Variants in CDC42 observed in about 807,000 individuals in gnomAD.
The protein encoded by CDC42 is cell division control protein 42 homolog.
In CDC42, 1 loss-of-function variant was observed where a neutral mutation model predicts 20.8. The ratio of observed to expected loss-of-function variants is 0.05; its 90% CI spans 0.02 to 0.23. The LOEUF (loss-of-function observed/expected upper bound fraction) is 0.23, where lower values mean the gene tolerates loss of function less well. CDC42 is among the 10% of genes least tolerant of loss of function. CDC42 has a pLI of 1.00. For missense variants in CDC42, 49 were observed against 227.9 expected (o/e 0.21, Z 5.05); for synonymous variants, 72 against 84.8 (o/e 0.85, Z 0.83).
At chr1:22,053,237 G>T (rs1296636588) in intron 1 of CDC42, 3 of 143,582 alleles carry the variant, frequency 2.1e-5, no homozygotes, top group Non-Finnish European at 4.6e-5. Flanking sequence ...TTCGCCGGGC[G>T]CCGCCGCGGA....
rs1393299011 is a variant in CDC42 at position 22,101,273 on chromosome 1, C to T, written c.*9756C>T. 6.6e-6 allele frequency: 1 copy of T among 152,222 alleles called. No homozygotes were observed. Among genetic ancestry groups the T allele is most frequent in the Admixed American group, 6.5e-5 (1 of 15,284 alleles). The allele number at this position is 152,222 out of a possible 1,614,324, so 9.4% of individuals were successfully genotyped here. ...CAGTTGGAAGTTGAAGATCCAGGTTCTAGTTGAGGCACCAGAGTTTCCTTG... is the reference window on the plus strand; with the variant it reads ...CAGTTGGAAGTTGAAGATCCAGGTTTTAGTTGAGGCACCAGAGTTTCCTTG... On this transcript the variant is annotated 3_prime_UTR_variant, in exon 6 of 6. Transcript: ENST00000656825.
At chr1:22,090,964 C>T (rs1645709901) in intron 5 of CDC42, among the ~76,000 whole-genome samples, 1 of 151,902 alleles carries the variant, frequency 6.6e-6, no homozygotes, top group African/African-American at 2.4e-5. Context: ...CCATAATCAC[C>T]CTCTCTCTCT....
At chr1:22,057,786 T>G (rs2501270) in intron 1 of CDC42, among the ~76,000 whole-genome samples, 1 of 151,414 alleles carries the variant, frequency 6.6e-6, no homozygotes, top group Non-Finnish European at 1.5e-5. Context: ...TGCAGTGGCA[T>G]GATCTTGGCT....
chr1:22,073,874 C>G (rs1192362425), intron 1 of CDC42, among the ~76,000 whole-genome samples: 3 of 151,540 alleles, frequency 2.0e-5, no homozygotes, highest in Non-Finnish European at 4.4e-5. Context: ...TGGTCCCAAA[C>G]TCCTGGGTTC....
chr1:22,079,880 T>A (rs1003691200), intron 2 of CDC42, among the ~76,000 whole-genome samples: 4 of 152,174 alleles, frequency 2.6e-5, no homozygotes, highest in African/African-American at 9.7e-5. Context: ...ATATGTATGT[T>A]TGTGTTGTAC....
At chr1:22,073,862 G>A (rs1199226990) in intron 1 of CDC42, among the ~76,000 whole-genome samples, 1 of 151,314 alleles carries the variant, frequency 6.6e-6, no homozygotes, top group Non-Finnish European at 1.5e-5. Flanking sequence ...TGTTTCCCAG[G>A]CTGGTCCCAA....
Position 22,093,561 on chromosome 1 carries a change from G to A in CDC42, c.*2044G>A, listed in dbSNP as rs1645735865. On this transcript the variant is annotated 3_prime_UTR_variant, in exon 6 of 6. Transcript: ENST00000656825. ...CTAAGAACCCTTAAAATCAGTTAAG[G>A]TTGGTACACTGTGGCCTCATTTTGA... Among the ~76,000 whole-genome samples, 1 of 152,164 alleles carries A rather than the reference G, an allele frequency of 6.6e-6. No individual in the cohort carries two copies. Among genetic ancestry groups the A allele is most frequent in the African/African-American group, 2.4e-5 (1 of 41,430 alleles).
intron 1 of CDC42, chr1:22,063,956 A>G (rs1379872803): frequency 6.6e-6 from 1 of 152,010 alleles, no homozygotes; most frequent in Non-Finnish European, 1.5e-5. Context: ...CTGACCTCTT[A>G]TGATCTTCCT....
intron 1 of CDC42, among the ~76,000 whole-genome samples, chr1:22,076,263 C>G (rs1246825436): frequency 6.6e-6 from 1 of 152,062 alleles, no homozygotes; most frequent in African/African-American, 2.4e-5. Flanking sequence ...AGTTCAAGAC[C>G]AGCCTGGCCA....
At chr1:22,089,187 A>G (rs10917148) in intron 5 of CDC42, among the ~76,000 whole-genome samples, 142,391 of 152,300 alleles carry the variant, frequency 0.93, 66,612 homozygotes, top group East Asian at 1. Flanking sequence ...GGTCCTAAGT[A>G]CCACCAATGC....
intron 2 of CDC42, among the ~76,000 whole-genome samples, chr1:22,079,982 A>AC (rs1296909192): frequency 6.6e-6 from 1 of 152,224 alleles, no homozygotes; most frequent in Non-Finnish European, 1.5e-5. Flanking sequence ...ACCATGAGGC[A>AC]CAAGTAATGT....
At chr1:22,055,181 C>T (rs1645291272) in intron 1 of CDC42, among the ~76,000 whole-genome samples, 1 of 151,180 alleles carries the variant, frequency 6.6e-6, no homozygotes, top group Admixed American at 6.6e-5. Context: ...TCTTGATCTC[C>T]TGACCTCGTG....
In CDC42 at chr1:22,073,667, A is replaced by T. The variant is rs115594615; in HGVS notation, c.-50-4762A>T. 3.1e-3 allele frequency among the ~76,000 whole-genome samples: 478 copies of T among 152,178 alleles called. 5 individuals are homozygous for T. Among genetic ancestry groups the T allele is most frequent in the African/African-American group, 0.011 (445 of 41,518 alleles). Reference sequence around the variant, plus strand: ...TCCTTATGATTGGCAGAATCATTTTAAAAAAAATATTTGAGACAGGGTCTT... The same window carrying T: ...TCCTTATGATTGGCAGAATCATTTTTAAAAAAATATTTGAGACAGGGTCTT... On this transcript the variant is annotated intron_variant, in intron 1 of 5. Transcript: ENST00000656825.
At chr1:22,078,886 CTT>C (rs34952712) in intron 2 of CDC42, 139,748 of 960,280 alleles carry the variant, frequency 0.15, no homozygotes, top group South Asian at 0.22. Flanking sequence ...AATGAGGTGA[CTT>C]TTTTTTTTTT....
intron 1 of CDC42, among the ~76,000 whole-genome samples, chr1:22,065,326 T>C (rs1398671911): frequency 1.3e-5 from 2 of 152,182 alleles, no homozygotes; most frequent in African/African-American, 4.8e-5. Context: ...ATATTTTGAA[T>C]CTCTTGGCTA....
At chr1:22,080,598 T>A (rs972386931) in intron 2 of CDC42, among the ~76,000 whole-genome samples, 12 of 146,502 alleles carry the variant, frequency 8.2e-5, no homozygotes, top group Non-Finnish European at 1.7e-4. Flanking sequence ...CATTTAATTT[T>A]AAAATTTTTA....
rs1197641579 is a variant in CDC42, at chr1:22,075,838, G to T, written c.-50-2591G>T. On this transcript the variant is annotated intron_variant, in intron 1 of 5. Coordinates refer to ENST00000656825, the MANE Select transcript of CDC42 (RefSeq NM_001791.4). The stretch of plus-strand genomic sequence containing the variant: ...ACTCCAGAACCCAGGCTTAACAGGG[G>T]ACTCACAACCAACCAGTTTGTAACA... 2.6e-5 allele frequency among the ~76,000 whole-genome samples: 4 copies of T among 152,298 alleles called. No individual in the cohort carries two copies. In the East Asian group the frequency reaches 7.7e-4, roughly 29 times the overall value.
chr1:22,071,202 C>T (rs1453781981), intron 1 of CDC42, among the ~76,000 whole-genome samples: 1 of 151,864 alleles, frequency 6.6e-6, no homozygotes, highest in Non-Finnish European at 1.5e-5. Context: ...TGCCACCACG[C>T]CCGGCTAATT....
chr1:22,076,080 A>G (rs1645546295), intron 1 of CDC42, among the ~76,000 whole-genome samples: 1 of 152,164 alleles, frequency 6.6e-6, no homozygotes, highest in Non-Finnish European at 1.5e-5. Flanking sequence ...ACGGATATAT[A>G]CTTGTCATTC....
Sources: allele counts gnomAD v4.1 joint callset (sites outside exome capture counted in the v4.1 genomes callset), GRCh38; gene constraint gnomAD v4.1.1; transcripts MANE v1.5; gene names NCBI Gene and HGNC (gene_info 2026-07-23, HGNC 2026-07-21).